The following MBNL2 variants were observed in gnomAD, a reference collection of about 807,000 sequenced individuals.
MBNL2 encodes muscleblind-like protein 2.
In MBNL2, 17 loss-of-function variants were observed where a neutral mutation model predicts 41.9. That is an observed-to-expected ratio of 0.41 (90% CI 0.28 to 0.61). The LOEUF (loss-of-function observed/expected upper bound fraction) is 0.61. Ranked by LOEUF, MBNL2 falls within the 20% of genes least tolerant of loss-of-function variation. The pLI, the probability that MBNL2 is intolerant of heterozygous loss-of-function variation, is 0.35. For synonymous variants in MBNL2, 195 were observed against 182.9 expected, an observed-to-expected ratio of 1.07 and a Z score of -0.53; for missense variants, 336 against 505.6, an observed-to-expected ratio of 0.66 and a Z score of 3.22.
intron 2 of MBNL2, among the ~76,000 whole-genome samples, chr13:97,306,103 G>A (rs1010409927): frequency 2.0e-5 from 3 of 152,138 alleles, no homozygotes; most frequent in African/African-American, 7.2e-5. Context: ...GTGGAGAAAT[G>A]AAAACATTTT....
At chr13:97,232,781 A>G (rs1054494211) in intron 1 of MBNL2, among the ~76,000 whole-genome samples, 8 of 151,666 alleles carry the variant, frequency 5.3e-5, no homozygotes, top group African/African-American at 1.9e-4. Flanking sequence ...TATATTGCCA[A>G]GGATAGCTAG....
chr13:97,229,694 T>G (rs2042123308), intron 1 of MBNL2, among the ~76,000 whole-genome samples: 1 of 151,878 alleles, frequency 6.6e-6, no homozygotes, highest in Non-Finnish European at 1.5e-5. Context: ...AGTGTTAGGG[T>G]GCAGTGGGGA....
the MBNL2 span, among the ~76,000 whole-genome samples, chr13:97,206,327 T>C: frequency 6.6e-6 from 1 of 152,136 alleles, no homozygotes; most frequent in East Asian, 1.9e-4. Flanking sequence ...TACAGTCTAC[T>C]AGATAAGCAT....
rs373002827 is a variant in MBNL2 at position 97,343,113 on chromosome 13, C to G, written c.437C>G (p.Thr146Arg). 1.4e-5 allele frequency: 23 copies of G among 1,613,826 alleles called. No homozygotes were observed. The highest frequency in any genetic ancestry group is 1.9e-5 in the Non-Finnish European group (23 of 1,179,802). ...ACCCCTGGAGTTGGGTTGGTCCCAA[C>G]GGAAATTCTGCCCACCACGCCTGTT... ...PVTPGVGLVP[T>R]EILPTTPVIV... Residue 146 changes from threonine (T) to arginine (R), a missense_variant, in exon 4 of 9, where the codon ACG becomes AGG. By Grantham distance (71) the Thr-to-Arg change is moderately conservative. Coordinates refer to ENST00000679496, the MANE Select transcript of MBNL2 (RefSeq NM_001382683.1).
In MBNL2 at chr13:97,392,471, A is replaced by C. The variant is rs1024726307; in HGVS notation, c.*1022A>C. ...GGATTAAAGGGTTGTAACTGACTAC[A>C]GCATGGAAAAAAATAGTTCTTTTAA... On this transcript the variant is annotated 3_prime_UTR_variant, in exon 9 of 9. Transcript: ENST00000679496. 25 of 152,576 alleles carry C rather than the reference A, an allele frequency of 1.6e-4. 1 individual carries two copies. The highest frequency in any genetic ancestry group is 6.0e-4 in the African/African-American group (25 of 41,428). 9.5% of individuals were successfully genotyped at this position (152,576 alleles called of 1,614,324 possible).
intron 1 of MBNL2, among the ~76,000 whole-genome samples, chr13:97,241,403 A>G (rs1395906515): frequency 6.6e-6 from 1 of 152,186 alleles, no homozygotes; most frequent in East Asian, 1.9e-4. Flanking sequence ...AAAATTCAAA[A>G]CAGAGGAGGG....
intron 8 of MBNL2, among the ~76,000 whole-genome samples, chr13:97,365,628 C>T (rs2063786788): frequency 6.6e-6 from 1 of 152,174 alleles, no homozygotes; most frequent in Non-Finnish European, 1.5e-5. Context: ...TATTTTGAAA[C>T]CGCATGTCTG....
chr13:97,195,614 A>G, the MBNL2 span, among the ~76,000 whole-genome samples: 1 of 152,204 alleles, frequency 6.6e-6, no homozygotes, highest in Non-Finnish European at 1.5e-5. Flanking sequence ...GAAATTCAAT[A>G]TGGCATATAG....
chr13:97,152,763 A>C, the MBNL2 span, among the ~76,000 whole-genome samples: 1 of 152,160 alleles, frequency 6.6e-6, no homozygotes, highest in Non-Finnish European at 1.5e-5. Context: ...CCTTTCTTGC[A>C]CCTTTTCTCA....
intron 2 of MBNL2, among the ~76,000 whole-genome samples, chr13:97,287,256 T>G (rs1199546457): frequency 2.0e-5 from 3 of 152,186 alleles, no homozygotes; most frequent in Non-Finnish European, 2.9e-5. Context: ...ATCGGCTTGT[T>G]GGGAAACTTC....
chr13:97,256,293 T>G (rs1489516221), intron 1 of MBNL2, among the ~76,000 whole-genome samples: 1 of 151,960 alleles, frequency 6.6e-6, no homozygotes. Context: ...GAATAAAAAT[T>G]TATTGACTTT....
chr13:97,378,770 T>A (rs535461652), intron 8 of MBNL2, among the ~76,000 whole-genome samples: 9 of 152,208 alleles, frequency 5.9e-5, no homozygotes, highest in African/African-American at 1.9e-4. Context: ...GAAAAAAAAT[T>A]ATTTAGGATT....
chr13:97,177,431 G>T, the MBNL2 span, among the ~76,000 whole-genome samples: 2 of 152,144 alleles, frequency 1.3e-5, no homozygotes, highest in Admixed American at 6.6e-5. Context: ...GGAATTAGAA[G>T]CTTTTGAAAC....
At chr13:97,324,596 A>G (rs2059767472) in intron 2 of MBNL2, among the ~76,000 whole-genome samples, 1 of 152,188 alleles carries the variant, frequency 6.6e-6, no homozygotes, top group Non-Finnish European at 1.5e-5. Context: ...ATAGATGTAT[A>G]TATGAAGGGG....
intron 5 of MBNL2, among the ~76,000 whole-genome samples, chr13:97,348,217 C>A (rs1250188456): frequency 1.3e-5 from 2 of 151,626 alleles, no homozygotes; most frequent in Admixed American, 1.3e-4. Context: ...TGGGAACATG[C>A]CCATCTAAGT....
At chr13:97,176,804 T>C in the MBNL2 span, among the ~76,000 whole-genome samples, 1 of 152,312 alleles carries the variant, frequency 6.6e-6, no homozygotes, top group East Asian at 1.9e-4. Flanking sequence ...TTTTCAATTA[T>C]ACTTTGTAGG....
At chr13:97,261,893 G>A (rs1454189115) in intron 1 of MBNL2, among the ~76,000 whole-genome samples, 1 of 152,162 alleles carries the variant, frequency 6.6e-6, no homozygotes, top group Non-Finnish European at 1.5e-5. Flanking sequence ...CTCCATGACA[G>A]CCAGCCACCC....
chr13:97,259,401 C>T (rs1178195031), intron 1 of MBNL2, among the ~76,000 whole-genome samples: 1 of 152,228 alleles, frequency 6.6e-6, no homozygotes, highest in Non-Finnish European at 1.5e-5. Context: ...CCTCTTCACC[C>T]CTGCACCGAC....
chr13:97,239,146 A>C (rs1258432195), intron 1 of MBNL2, among the ~76,000 whole-genome samples: 2 of 152,228 alleles, frequency 1.3e-5, no homozygotes, highest in African/African-American at 4.8e-5. Context: ...TTCTTTCTAA[A>C]GTGCTATACA....
Sources: gnomAD v4.1 joint callset for allele counts (sites outside exome capture counted in the v4.1 genomes callset) on GRCh38, gnomAD v4.1.1 for gene constraint, MANE v1.5 for transcripts, NCBI Gene and HGNC (gene_info 2026-07-23, HGNC 2026-07-21) for gene names.